Variants in CTSC observed in about 807,000 individuals in gnomAD.
CTSC encodes the protein cathepsin C.
A neutral mutation model predicts 40.9 loss-of-function variants in CTSC; 37 were observed. That is an observed-to-expected ratio of 0.91 (90% CI 0.70 to 1.19). CTSC has a LOEUF of 1.19. Among genes scored for constraint, CTSC ranks in the 50% most tolerant of loss-of-function variants. The pLI is 0.00. For synonymous variants in CTSC, 232 were observed against 207.4 expected, an observed-to-expected ratio of 1.12 and a Z score of -1.02; for missense variants, 594 against 567.3, an observed-to-expected ratio of 1.05 and a Z score of -0.48.
At chr11:88,296,531 A>G (rs926006825) in intron 5 of CTSC, 2 of 395,378 alleles carry the variant, frequency 5.1e-6, no homozygotes, top group Admixed American at 7.3e-5. Flanking sequence ...ACCCCTCATA[A>G]TTTCTGAGAA....
chr11:88,293,815 AG>A lies in CTSC; in HGVS notation c.*190del. The A allele has an allele frequency of 1.5e-6, 1 of 652,610 alleles. No individual in the cohort carries two copies. Among genetic ancestry groups the A allele is most frequent in the Non-Finnish European group, 2.6e-6 (1 of 379,464 alleles). 40.4% of individuals were successfully genotyped at this position (652,610 alleles called of 1,614,324 possible). Reference sequence around the variant, plus strand: ...AAAATTCCCACTTAATTGAATACTTAGAAAAAAATGGCCAGTGGCCGATTGA... The same window carrying A: ...AAAATTCCCACTTAATTGAATACTTAAAAAAAATGGCCAGTGGCCGATTGA... On this transcript the variant is annotated 3_prime_UTR_variant, in exon 7 of 7. Coordinates refer to ENST00000227266, the MANE Select transcript of CTSC (RefSeq NM_001814.6).
intron 2 of CTSC, chr11:88,326,544 C>G: frequency 1.3e-6 from 1 of 749,172 alleles, no homozygotes; most frequent in Non-Finnish European, 2.2e-6. Flanking sequence ...AAAAAAAATA[C>G]CAGCACTGAT....
At chr11:88,303,214 C>T (rs1944388203) in intron 4 of CTSC, among the ~76,000 whole-genome samples, 1 of 152,106 alleles carries the variant, frequency 6.6e-6, no homozygotes, top group Non-Finnish European at 1.5e-5. Context: ...GTGGGTTTTT[C>T]CCCACAAATC....
intron 1 of CTSC, among the ~76,000 whole-genome samples, chr11:88,335,824 G>A (rs1377416562): frequency 5.9e-5 from 9 of 152,214 alleles, no homozygotes; most frequent in Non-Finnish European, 1.2e-4. Flanking sequence ...TCCTAAGGAA[G>A]ACAATGTGCT....
At chr11:88,317,622 C>T (rs993211354) in intron 2 of CTSC, among the ~76,000 whole-genome samples, 36 of 152,220 alleles carry the variant, frequency 2.4e-4, no homozygotes, top group African/African-American at 7.5e-4. Flanking sequence ...TGAATGTTTT[C>T]GGGGTATGTC....
At chr11:88,337,357 T>C in intron 1 of CTSC, 144 bp downstream of exon 1, 1 of 807,092 alleles carries the variant, frequency 1.2e-6, no homozygotes, top group Non-Finnish European at 2.1e-6. Context: ...GGGAAGAAGG[T>C]CCCCAAGGGT....
intron 2 of CTSC, chr11:88,325,704 GA>G (rs774949377): frequency 6.7e-5 from 66 of 984,780 alleles, no homozygotes; most frequent in Non-Finnish European, 7.7e-5. Context: ...AAAAAGAAAA[GA>G]AAAAAAATAG....
intron 2 of CTSC, among the ~76,000 whole-genome samples, chr11:88,320,406 T>C (rs1937973601): frequency 6.6e-6 from 1 of 152,174 alleles, no homozygotes; most frequent in Non-Finnish European, 1.5e-5. Context: ...ACTCAAACCG[T>C]AAAGTTGGAA....
intron 1 of CTSC, among the ~76,000 whole-genome samples, chr11:88,336,691 G>A (rs1938505056): frequency 6.6e-6 from 1 of 152,204 alleles, no homozygotes; most frequent in South Asian, 2.1e-4. Context: ...AGAAGTCACA[G>A]GCTGTAAGAG....
At position 88,334,943 on chromosome 11, in the gene CTSC, A is replaced by G. The variant is rs1938449436; in HGVS notation, c.312T>C (p.Phe104=). Residue 104 remains phenylalanine (F), a synonymous_variant, in exon 2 of 7, where the codon TTT becomes TTC. Coordinates refer to ENST00000227266, the MANE Select transcript of CTSC (RefSeq NM_001814.6). ...AACTTCCAACAAAACTAACCTTAAA[A>G]AAGGCAAACCACTTGTAGTCATTCA... ...IVLNDYKWFA[F]FKYKEEGSKV... The G allele has an allele frequency of 6.2e-7, 1 of 1,612,450 alleles. No homozygotes were observed. Among genetic ancestry groups the G allele is most frequent in the Non-Finnish European group, 8.5e-7 (1 of 1,178,558 alleles).
At chr11:88,298,790 A>G (rs1226449785) in intron 5 of CTSC, 1 of 152,196 alleles carries the variant, frequency 6.6e-6, no homozygotes, top group East Asian at 1.9e-4. Flanking sequence ...AATAAAGAAC[A>G]TGGGAGAAAA....
chr11:88,328,338 C>A, intron 2 of CTSC: 1 of 676,546 alleles, frequency 1.5e-6, no homozygotes. Context: ...TACAAGTAAA[C>A]CCAAAGTTGT....
Position 88,312,458 on chromosome 11 carries a change from C to G in CTSC, c.415G>C (p.Gly139Arg). 6 of 1,614,142 alleles carry G rather than the reference C, an allele frequency of 3.7e-6. No individual in the cohort carries two copies. The highest frequency in any genetic ancestry group is 5.1e-6 in the Non-Finnish European group (6 of 1,180,014). The change falls in exon 3 of 7, where the codon GGA becomes CGA. Residue 139 changes from glycine (G) to arginine (R), a missense_variant. Physicochemically the swap from Gly to Arg is moderately radical, Grantham distance 125 (BLOSUM62 -2). Coordinates refer to ENST00000227266, the MANE Select transcript of CTSC (RefSeq NM_001814.6). ...VLGRNWACFT[G>R]KKVGTASENV... Reference sequence around the variant, plus strand: ...TCAGAGGCAGTTCCCACCTTCTTTCCGGTGAAACAAGCCCAGTTCCGGCCC... The same window carrying G: ...TCAGAGGCAGTTCCCACCTTCTTTCGGGTGAAACAAGCCCAGTTCCGGCCC...
intron 2 of CTSC, 126 bp downstream of exon 2, chr11:88,334,811 G>T: frequency 1.4e-6 from 1 of 728,292 alleles, no homozygotes. Context: ...ACTACTCTTG[G>T]GAAGAGTGGT....
At chr11:88,326,095 T>C in intron 2 of CTSC, 4 of 1,269,646 alleles carry the variant, frequency 3.2e-6, no homozygotes, top group South Asian at 5.4e-5. Flanking sequence ...GTGTTGTATA[T>C]TGTTCCTTTT....
chr11:88,324,240 T>C (rs956101125), intron 2 of CTSC: 1 of 307,010 alleles, frequency 3.3e-6, no homozygotes, highest in East Asian at 1.7e-4. Context: ...CTTATACCTA[T>C]ACAAAAATTA....
At position 88,307,198 on chromosome 11, in the gene CTSC, T is replaced by C. The variant is rs1937651503; in HGVS notation, c.641+1965A>G. 1.3e-5 allele frequency among the ~76,000 whole-genome samples: 2 copies of C among 152,212 alleles called. 1 individual carries two copies. The highest frequency in any genetic ancestry group is 4.8e-5 in the African/African-American group (2 of 41,444). On this transcript the variant is annotated intron_variant, in intron 4 of 6. Coordinates refer to ENST00000227266, the MANE Select transcript of CTSC (RefSeq NM_001814.6). ...TATTCTCTGAGAATTTGAGGCTATT[T>C]CAATGTATTAAGGAAAAATAACCTA...
rs748486901 is a variant in CTSC, at chr11:88,328,105, A to C, written c.318+6832T>G. ...AAGAAAGTTAGAAATTTTTCAATGG[A>C]GCTCACCCAGTTTGTTCCTCAGATG... On this transcript the variant is annotated intron_variant, in intron 2 of 6. Transcript: ENST00000227266. The C allele has an allele frequency of 6.9e-6, 11 of 1,604,062 alleles. No homozygotes were observed. The Admixed American group carries it at 1.3e-4, about 19-fold the overall frequency.
At chr11:88,294,750 G>A (rs1471704861) in intron 6 of CTSC, among the ~76,000 whole-genome samples, 1 of 152,146 alleles carries the variant, frequency 6.6e-6, no homozygotes, top group African/African-American at 2.4e-5. Flanking sequence ...TGGTTAAGTG[G>A]GGAGGCTCTG....
Sources: gnomAD v4.1 joint callset for allele counts (sites outside exome capture counted in the v4.1 genomes callset) on GRCh38, gnomAD v4.1.1 for gene constraint, MANE v1.5 for transcripts, NCBI Gene and HGNC (gene_info 2026-07-23, HGNC 2026-07-21) for gene names.